The following SEMA5A variants were observed in gnomAD, a reference collection of about 807,000 sequenced individuals.
SEMA5A encodes the protein semaphorin 5A, also known as semaphorin-5A.
Under a neutral mutation model 135.5 loss-of-function variants are expected in SEMA5A, and 55 were observed. The ratio of observed to expected loss-of-function variants is 0.41; its 90% CI spans 0.33 to 0.51. The LOEUF (loss-of-function observed/expected upper bound fraction) is 0.51, where lower values mean the gene tolerates loss of function less well. Ranked by LOEUF, SEMA5A falls within the 20% of genes least tolerant of loss-of-function variation. SEMA5A has a pLI of 0.37. For synonymous variants in SEMA5A, 580 were observed against 546.5 expected, an observed-to-expected ratio of 1.06 and a Z score of -0.85; for missense variants, 1,290 against 1,419.9, an observed-to-expected ratio of 0.91 and a Z score of 1.47.
intron 5 of SEMA5A, among the ~76,000 whole-genome samples, chr5:9,275,657 C>T (rs150443622): frequency 6.3e-4 from 96 of 152,304 alleles, no homozygotes; most frequent in Middle Eastern, 3.4e-3. Context: ...AGCTTCATCC[C>T]AGGGATGCAG....
intron 5 of SEMA5A, among the ~76,000 whole-genome samples, chr5:9,275,534 A>G (rs1399934503): frequency 2.0e-5 from 3 of 152,174 alleles, no homozygotes; most frequent in Non-Finnish European, 4.4e-5. Context: ...ATAAAAAAAA[A>G]GGAAAATTTC....
intron 15 of SEMA5A, among the ~76,000 whole-genome samples, chr5:9,118,177 A>T (rs898108708): frequency 6.6e-6 from 1 of 152,230 alleles, no homozygotes; most frequent in Non-Finnish European, 1.5e-5. Flanking sequence ...CATTTTAATT[A>T]AAATGCACTG....
At chr5:9,353,324 A>AAAGGAAAGGG (rs1561177805) in intron 3 of SEMA5A, among the ~76,000 whole-genome samples, 3 of 115,820 alleles carry the variant, frequency 2.6e-5, no homozygotes, top group African/African-American at 6.2e-5. Context: ...GAAAGGAAGG[A>AAAGGAAAGGG]AAGGAAAGGA....
intron 16 of SEMA5A, among the ~76,000 whole-genome samples, chr5:9,080,507 C>T (rs1013743218): frequency 7.4e-5 from 11 of 148,374 alleles, no homozygotes; most frequent in African/African-American, 2.7e-4. Context: ...CAAAACTGCA[C>T]GTTCTGCACA....
At chr5:9,345,525 TA>T (rs60077732) in intron 3 of SEMA5A, among the ~76,000 whole-genome samples, 7,118 of 144,568 alleles carry the variant, frequency 0.049, 536 homozygotes, top group African/African-American at 0.16. Context: ...TTCCAGGATG[TA>T]AAAAAAAAAA....
intron 5 of SEMA5A, among the ~76,000 whole-genome samples, chr5:9,298,075 G>A (rs1348659686): frequency 1.3e-5 from 2 of 152,056 alleles, no homozygotes; most frequent in African/African-American, 2.4e-5. Context: ...CAAAAGATAC[G>A]GTGAAGTCCT....
intron 1 of SEMA5A, among the ~76,000 whole-genome samples, chr5:9,522,139 A>G (rs949598571): frequency 4.6e-5 from 7 of 152,164 alleles, no homozygotes; most frequent in African/African-American, 1.7e-4. Flanking sequence ...GGTGACACCC[A>G]CACATGACTC....
chr5:9,154,748 A>T (rs1393515860), intron 11 of SEMA5A, 53 bp from the exon 12 acceptor site: 1 of 1,477,770 alleles, frequency 6.8e-7, no homozygotes, highest in Non-Finnish European at 9.4e-7. Flanking sequence ...CTCACAAACC[A>T]ATCCCTGGTT....
intron 6 of SEMA5A, among the ~76,000 whole-genome samples, chr5:9,229,729 A>G (rs1283480848): frequency 7.2e-6 from 1 of 138,020 alleles, no homozygotes; most frequent in East Asian, 2.1e-4. Context: ...TTTTTCCTTT[A>G]AAAAAAAAAA....
intron 11 of SEMA5A, among the ~76,000 whole-genome samples, chr5:9,190,066 C>T (rs1385993917): frequency 6.6e-6 from 1 of 151,996 alleles, no homozygotes; most frequent in East Asian, 1.9e-4. Flanking sequence ...AAGTTATGAC[C>T]AATATAGTGA....
chr5:9,158,599 A>C (rs1434028609), intron 11 of SEMA5A, among the ~76,000 whole-genome samples: 1 of 151,950 alleles, frequency 6.6e-6, no homozygotes, highest in Non-Finnish European at 1.5e-5. Context: ...ATCAGTGCTG[A>C]CCAGAGGATG....
intron 1 of SEMA5A, among the ~76,000 whole-genome samples, chr5:9,476,523 G>C (rs1472055528): frequency 1.3e-5 from 2 of 152,076 alleles, no homozygotes; most frequent in Admixed American, 6.6e-5. Flanking sequence ...TACCAGGAGG[G>C]TTATGGCAAG....
intron 17 of SEMA5A, among the ~76,000 whole-genome samples, chr5:9,064,195 G>T (rs914461203): frequency 6.6e-6 from 1 of 152,164 alleles, no homozygotes; most frequent in African/African-American, 2.4e-5. Flanking sequence ...AATCAATAAA[G>T]AAAAACTATG....
intron 21 of SEMA5A, among the ~76,000 whole-genome samples, chr5:9,049,267 G>A (rs1314809946): frequency 6.6e-6 from 1 of 152,064 alleles, no homozygotes; most frequent in South Asian, 2.1e-4. Flanking sequence ...GTTCAAGAGA[G>A]TCTCCTGCCT....
chr5:9,513,617 C>T (rs569843750), intron 1 of SEMA5A, among the ~76,000 whole-genome samples: 1 of 152,266 alleles, frequency 6.6e-6, no homozygotes, highest in Non-Finnish European at 1.5e-5. Context: ...TCACACAAAA[C>T]AGATGGTACA....
intron 11 of SEMA5A, among the ~76,000 whole-genome samples, chr5:9,187,294 A>G (rs1744862307): frequency 6.6e-6 from 1 of 152,208 alleles, no homozygotes; most frequent in Non-Finnish European, 1.5e-5. Flanking sequence ...TATATTAAAC[A>G]GTGCTATAAG....
intron 1 of SEMA5A, among the ~76,000 whole-genome samples, chr5:9,457,481 C>T (rs1419080278): frequency 6.6e-6 from 1 of 152,156 alleles, no homozygotes; most frequent in South Asian, 2.1e-4. Context: ...TGCTCTTAAC[C>T]CTTCAATATT....
chr5:9,242,970 G>T (rs1748284826), intron 5 of SEMA5A, among the ~76,000 whole-genome samples: 1 of 152,132 alleles, frequency 6.6e-6, no homozygotes, highest in Admixed American at 6.5e-5. Context: ...TAATGCCCAA[G>T]ATTTTCTTTC....
At chr5:9,458,159 G>C (rs268539) in intron 1 of SEMA5A, among the ~76,000 whole-genome samples, 1 of 151,702 alleles carries the variant, frequency 6.6e-6, no homozygotes, top group African/African-American at 2.4e-5. Flanking sequence ...CGCCCGCCTC[G>C]GCCTCCCAAA....
Sources: gnomAD v4.1 joint callset for allele counts (sites outside exome capture counted in the v4.1 genomes callset) on GRCh38, gnomAD v4.1.1 for gene constraint, MANE v1.5 for transcripts, NCBI Gene and HGNC (gene_info 2026-07-23, HGNC 2026-07-21) for gene names.